Variants in SGCZ observed in about 807,000 individuals in gnomAD.
SGCZ encodes the protein sarcoglycan zeta, also known as zeta-sarcoglycan.
A neutral mutation model predicts 41.3 loss-of-function variants in SGCZ; 40 were observed. The ratio of observed to expected loss-of-function variants is 0.97; its 90% CI spans 0.75 to 1.26. The LOEUF is 1.26. SGCZ is among the 50% of genes most tolerant of loss of function. The pLI is 0.00. For missense variants in SGCZ, 552 were observed against 369.8 expected, an observed-to-expected ratio of 1.49 and a Z score of -4.04; for synonymous variants, 206 against 137.5, an observed-to-expected ratio of 1.50 and a Z score of -3.49.
At chr8:14,654,611 G>A (rs1042039360) in intron 1 of SGCZ, among the ~76,000 whole-genome samples, 2 of 151,784 alleles carry the variant, frequency 1.3e-5, no homozygotes, top group Non-Finnish European at 2.9e-5. Flanking sequence ...TCGCTCTGTC[G>A]CCCAGGCTGG....
intron 1 of SGCZ, among the ~76,000 whole-genome samples, chr8:15,073,695 G>A (rs137937842): frequency 6.9e-4 from 105 of 152,294 alleles, no homozygotes; most frequent in African/African-American, 2.5e-3. Flanking sequence ...TAGAAACTCT[G>A]CCTGAGCTTC....
intron 1 of SGCZ, among the ~76,000 whole-genome samples, chr8:15,015,469 G>C (rs552076401): frequency 1.3e-5 from 2 of 152,150 alleles, no homozygotes; most frequent in East Asian, 3.9e-4. Context: ...GGAGGCCAAG[G>C]CGGGTGGATC....
At chr8:15,144,925 A>C (rs1358371430) in intron 1 of SGCZ, among the ~76,000 whole-genome samples, 1 of 152,164 alleles carries the variant, frequency 6.6e-6, no homozygotes, top group Admixed American at 6.5e-5. Flanking sequence ...TGCTGCTTTT[A>C]TTCTCTTCAG....
chr8:14,633,458 G>C (rs747652281), intron 1 of SGCZ, among the ~76,000 whole-genome samples: 16 of 151,846 alleles, frequency 1.1e-4, no homozygotes, highest in Non-Finnish European at 1.9e-4. Context: ...CATGAAATAA[G>C]TTATTTCAGC....
chr8:14,129,080 C>G (rs902185052), intron 5 of SGCZ, among the ~76,000 whole-genome samples: 11 of 152,080 alleles, frequency 7.2e-5, no homozygotes, highest in African/African-American at 1.9e-4. Context: ...GGCATGGTGG[C>G]TCATGCCTGT....
chr8:14,649,840 C>G (rs956290805), intron 1 of SGCZ, among the ~76,000 whole-genome samples: 2 of 151,994 alleles, frequency 1.3e-5, no homozygotes, highest in East Asian at 3.9e-4. Flanking sequence ...AGGCACACAC[C>G]TACAGCTGGA....
chr8:14,362,562 G>T (rs141977170), intron 2 of SGCZ, among the ~76,000 whole-genome samples: 3,096 of 152,292 alleles, frequency 0.02, 86 homozygotes, highest in African/African-American at 0.057. Context: ...AGCGCAGTAT[G>T]TAGGCAGAAG....
chr8:14,870,266 C>G (rs984740118), intron 1 of SGCZ, among the ~76,000 whole-genome samples: 1 of 152,138 alleles, frequency 6.6e-6, no homozygotes, highest in Non-Finnish European at 1.5e-5. Flanking sequence ...AGAAATACCA[C>G]ACATCTACAA....
At chr8:15,051,313 C>A (rs946571705) in intron 1 of SGCZ, among the ~76,000 whole-genome samples, 1 of 152,198 alleles carries the variant, frequency 6.6e-6, no homozygotes, top group East Asian at 1.9e-4. Flanking sequence ...TTTCACTCCA[C>A]ATAAGGTCTT....
chr8:14,861,080 A>G (rs984246378), intron 1 of SGCZ, among the ~76,000 whole-genome samples: 2 of 152,188 alleles, frequency 1.3e-5, no homozygotes, highest in African/African-American at 4.8e-5. Context: ...GTTGAGAAAC[A>G]CTTGATGTAG....
chr8:14,249,172 T>C lies in SGCZ; in HGVS notation c.337-11493A>G, dbSNP rs138125895. Among the ~76,000 whole-genome samples the C allele has an allele frequency of 4.5e-3, 684 of 152,244 alleles. 7 individuals are homozygous for C. The highest frequency in any genetic ancestry group is 7.4e-3 in the Non-Finnish European group (504 of 68,024). On this transcript the variant is annotated intron_variant, in intron 3 of 7. Coordinates refer to ENST00000382080, the MANE Select transcript of SGCZ (RefSeq NM_139167.4). ...CCAGTGTAGTTGGACCTAAATAGAA[T>C]AACAAGGCAGAATACAAGAGAATTC...
At position 14,458,191 on chromosome 8, in the gene SGCZ, AT is replaced by A. The variant is rs199807647; in HGVS notation, c.234+96540del. 2.0e-5 allele frequency among the ~76,000 whole-genome samples: 3 copies of A among 152,312 alleles called. No individual in the cohort carries two copies. In the East Asian group the frequency reaches 5.8e-4, roughly 29 times the overall value. ...AAATGAATAAATAAAATCAACCACA[AT>A]GTGTGGGGAATAAAAAATTAAATAC... On this transcript the variant is annotated intron_variant, in intron 2 of 7. Transcript: ENST00000382080.
chr8:14,789,977 G>A (rs1205878838), intron 1 of SGCZ, among the ~76,000 whole-genome samples: 1 of 152,014 alleles, frequency 6.6e-6, no homozygotes, highest in African/African-American at 2.4e-5. Flanking sequence ...AATGTACATT[G>A]ATTAAATGTA....
intron 3 of SGCZ, among the ~76,000 whole-genome samples, chr8:14,273,231 T>C (rs1410315731): frequency 1.3e-5 from 2 of 152,158 alleles, no homozygotes; most frequent in Non-Finnish European, 2.9e-5. Context: ...TACTTTTGCA[T>C]ATGTTAGCCT....
chr8:14,086,296 C>T lies in SGCZ; in HGVS notation c.*4147G>A, dbSNP rs920506142. On this transcript the variant is annotated 3_prime_UTR_variant, in exon 8 of 8. Transcript: ENST00000382080. ...TTTAACATTATTATGTTGACATTCTCTGCTATGAAATATAACACTCATATG... is the reference window on the plus strand; with the variant it reads ...TTTAACATTATTATGTTGACATTCTTTGCTATGAAATATAACACTCATATG... Among the ~76,000 whole-genome samples the T allele has an allele frequency of 3.3e-5, 5 of 151,688 alleles. No individual in the cohort carries two copies. The highest frequency in any genetic ancestry group is 5.9e-5 in the Non-Finnish European group (4 of 67,754).
rs1041305128 is a variant in SGCZ, at chr8:14,427,739, G to C, written c.235-103535C>G. Among the ~76,000 whole-genome samples the C allele has an allele frequency of 2.0e-5, 3 of 152,052 alleles. No individual in the cohort carries two copies. The East Asian group carries it at 5.8e-4, about 29-fold the overall frequency. On this transcript the variant is annotated intron_variant, in intron 2 of 7. Transcript: ENST00000382080. ...AACTATCACAAGGACCAAACAAAAA[G>C]GCAAATTAAAGAAGGCTGAACCTGG...
intron 2 of SGCZ, among the ~76,000 whole-genome samples, chr8:14,526,419 T>C (rs1271052299): frequency 6.6e-6 from 1 of 152,120 alleles, no homozygotes. Context: ...TAGGCTACTG[T>C]TGTACGAACA....
intron 2 of SGCZ, among the ~76,000 whole-genome samples, chr8:14,389,820 T>A (rs1049313417): frequency 6.6e-5 from 10 of 152,184 alleles, no homozygotes; most frequent in African/African-American, 2.4e-4. Flanking sequence ...ATGTGTTTGT[T>A]ATTGTTGTCT....
intron 5 of SGCZ, among the ~76,000 whole-genome samples, chr8:14,121,811 C>A (rs1802704863): frequency 6.6e-6 from 1 of 152,142 alleles, no homozygotes; most frequent in African/African-American, 2.4e-5. Context: ...TTTTTGAAAT[C>A]TTAATTTTCT....
Sources: gnomAD v4.1 joint callset for allele counts (sites outside exome capture counted in the v4.1 genomes callset) on GRCh38, gnomAD v4.1.1 for gene constraint, MANE v1.5 for transcripts, NCBI Gene and HGNC (gene_info 2026-07-23, HGNC 2026-07-21) for gene names.